PPFIA2: variants seen among roughly 807,000 people sequenced by gnomAD.
PPFIA2 encodes liprin-alpha-2.
Under a neutral mutation model 175.5 loss-of-function variants are expected in PPFIA2, and 46 were observed. The ratio of observed to expected loss-of-function variants is 0.26; its 90% CI spans 0.21 to 0.34. PPFIA2 has a LOEUF of 0.34. Among genes scored for constraint, PPFIA2 ranks in the 10% least tolerant of loss-of-function variants. PPFIA2 has a pLI of 1.00. For synonymous variants in PPFIA2, 568 were observed against 511.4 expected, an observed-to-expected ratio of 1.11 and a Z score of -1.49; for missense variants, 1,179 against 1,506.1, an observed-to-expected ratio of 0.78 and a Z score of 3.60.
chr12:81,733,775 T>C (rs571868499), intron 3 of PPFIA2, among the ~76,000 whole-genome samples: 25 of 151,872 alleles, frequency 1.6e-4, no homozygotes, highest in African/African-American at 5.5e-4. Context: ...GAAGTGTAAA[T>C]ATTGGTTTAA....
At chr12:81,312,241 A>C in intron 22 of PPFIA2, 1 of 1,363,862 alleles carries the variant, frequency 7.3e-7, no homozygotes, top group Admixed American at 2.2e-5. Context: ...TTCAATCCAA[A>C]GAAAACCATG....
At position 81,444,145 on chromosome 12, in the gene PPFIA2, C is replaced by T. The variant is rs572642221; in HGVS notation, c.570+1411G>A. On this transcript the variant is annotated intron_variant, in intron 6 of 32. Coordinates refer to ENST00000549396, the MANE Select transcript of PPFIA2 (RefSeq NM_003625.5). ...CTGGGATTACAGGCGTGAGCCACCG[C>T]GCCCGGCCATGCCAACCTTTCTTGA... is the stretch of plus-strand genomic sequence containing the variant. Among the ~76,000 whole-genome samples, 28 of 152,272 alleles carry T rather than the reference C, an allele frequency of 1.8e-4. No individual in the cohort carries two copies. In the East Asian group the frequency reaches 4.1e-3, roughly 22 times the overall value.
chr12:81,597,891 T>G lies in PPFIA2; in HGVS notation c.303+78900A>C. ...GTCTTTCTTCCTTTATATAGCACTTTGTTAAAAGTTTGACAATACATTAAC... is the reference window on the plus strand; with the variant it reads ...GTCTTTCTTCCTTTATATAGCACTTGGTTAAAAGTTTGACAATACATTAAC... On this transcript the variant is annotated intron_variant, in intron 4 of 32. Transcript: ENST00000549396. The G allele has an allele frequency of 2.0e-6, 3 of 1,477,564 alleles. No homozygotes were observed. In the South Asian group the frequency reaches 3.7e-5, roughly 18 times the overall value. The allele number at this position is 1,477,564 out of a possible 1,614,324, so 91.5% of individuals were successfully genotyped here.
chr12:81,708,470 GA>G (rs970415277), intron 3 of PPFIA2, among the ~76,000 whole-genome samples: 1 of 151,472 alleles, frequency 6.6e-6, no homozygotes, highest in Non-Finnish European at 1.5e-5. Flanking sequence ...AAGTTATTTT[GA>G]AAAAAAAGTA....
At position 81,272,535 on chromosome 12, in the gene PPFIA2, A is replaced by G. The variant is rs182058493; in HGVS notation, c.3311-4448T>C. Among the ~76,000 whole-genome samples the G allele has an allele frequency of 1.6e-3, 212 of 133,248 alleles. 1 individual carries two copies. Among genetic ancestry groups the G allele is most frequent in the African/African-American group, 5.1e-3 (204 of 40,190 alleles). 87.4% of individuals were successfully genotyped at this position (133,248 alleles called of 152,430 possible). A position where few individuals can be genotyped will look rare whatever the true frequency, so the allele number is the denominator to read the frequency against. ...ATTTCCATTTGATTATTTGTTAAAC[A>G]TATTGATTCCAACTATATTAAATTC... On this transcript the variant is annotated intron_variant, in intron 28 of 32. Transcript: ENST00000549396.
intron 4 of PPFIA2, among the ~76,000 whole-genome samples, chr12:81,518,116 T>C (rs2062686113): frequency 6.6e-6 from 1 of 151,860 alleles, no homozygotes; most frequent in Non-Finnish European, 1.5e-5. Flanking sequence ...AAACAAAACA[T>C]ACACACAAAA....
intron 4 of PPFIA2, among the ~76,000 whole-genome samples, chr12:81,643,626 GT>G (rs536941148): frequency 6.6e-6 from 1 of 152,030 alleles, no homozygotes; most frequent in Non-Finnish European, 1.5e-5. Flanking sequence ...TGATGTGACA[GT>G]GAGATGGTTT....
At chr12:81,684,996 A>T (rs945469981) in intron 3 of PPFIA2, among the ~76,000 whole-genome samples, 9 of 151,992 alleles carry the variant, frequency 5.9e-5, no homozygotes, top group Non-Finnish European at 8.8e-5. Context: ...TCAATAAATC[A>T]ATGCTTGAAA....
chr12:81,291,362 C>T (rs2044920444), intron 24 of PPFIA2, among the ~76,000 whole-genome samples: 1 of 151,912 alleles, frequency 6.6e-6, no homozygotes, highest in Admixed American at 6.6e-5. Context: ...GAAGCTCCAT[C>T]ACACTTCACT....
intron 21 of PPFIA2, among the ~76,000 whole-genome samples, chr12:81,336,475 A>G (rs2140195395): frequency 6.6e-6 from 1 of 152,326 alleles, no homozygotes; most frequent in South Asian, 2.1e-4. Flanking sequence ...TTACCCTAGC[A>G]TTTCGAAGTA....
chr12:81,567,934 C>A (rs117701609), intron 4 of PPFIA2, among the ~76,000 whole-genome samples: 274 of 152,310 alleles, frequency 1.8e-3, no homozygotes, highest in Non-Finnish European at 3.5e-3. Flanking sequence ...TCAGAGCTTT[C>A]AACTGGTGTT....
At chr12:81,505,261 AAAGTAT>A (rs1318954237) in intron 4 of PPFIA2, among the ~76,000 whole-genome samples, 1 of 151,194 alleles carries the variant, frequency 6.6e-6, no homozygotes, top group African/African-American at 2.4e-5. Flanking sequence ...CCCAGAACTT[AAAGTAT>A]AATTAAAAAA....
intron 30 of PPFIA2, among the ~76,000 whole-genome samples, chr12:81,265,121 T>G (rs1002286023): frequency 6.6e-6 from 1 of 151,604 alleles, no homozygotes; most frequent in Non-Finnish European, 1.5e-5. Context: ...GGAGAAACCC[T>G]GTCTCTACTA....
chr12:81,352,636 A>C (rs1290987061), intron 17 of PPFIA2, among the ~76,000 whole-genome samples: 1 of 152,024 alleles, frequency 6.6e-6, no homozygotes, highest in Non-Finnish European at 1.5e-5. Flanking sequence ...AAAATTGACA[A>C]AAAGAATGGT....
At chr12:81,390,600 T>A (rs2039937104) in intron 8 of PPFIA2, among the ~76,000 whole-genome samples, 1 of 152,030 alleles carries the variant, frequency 6.6e-6, no homozygotes, top group African/African-American at 2.4e-5. Context: ...TTTAAATTAT[T>A]TGCCTTCATA....
At chr12:81,689,263 G>C (rs1161049684) in intron 3 of PPFIA2, among the ~76,000 whole-genome samples, 1 of 151,912 alleles carries the variant, frequency 6.6e-6, no homozygotes, top group Non-Finnish European at 1.5e-5. Context: ...AATTCACCAA[G>C]TTCTAAATCA....
rs1568159471 is a variant in PPFIA2 at position 81,758,387 on chromosome 12, AC to A, written c.-3+12del. The A allele has an allele frequency of 4.4e-6, 2 of 456,424 alleles. No homozygotes were observed. The highest frequency in any genetic ancestry group is 8.8e-6 in the Non-Finnish European group (2 of 226,742). The allele number at this position is 456,424 out of a possible 1,614,324, so 28.3% of individuals were successfully genotyped here. On this transcript the variant is annotated intron_variant, in intron 2 of 32. Coordinates refer to ENST00000549396, the MANE Select transcript of PPFIA2 (RefSeq NM_003625.5). ...CGAAAGGAGACAGTAAAACTCAAAG[AC>A]AGCTTCTGTACCTAATGTCTGTGAT... is the stretch of plus-strand genomic sequence containing the variant.
chr12:81,625,214 G>C lies in PPFIA2; in HGVS notation c.303+51577C>G, dbSNP rs77507782. On this transcript the variant is annotated intron_variant, in intron 4 of 32. Coordinates refer to ENST00000549396, the MANE Select transcript of PPFIA2 (RefSeq NM_003625.5). ...TATATAAAGAACAGCATGGATGTCA[G>C]AAATGTATCTTTTCAGCTCATGAGA... Among the ~76,000 whole-genome samples the C allele has an allele frequency of 1.4e-4, 22 of 151,908 alleles. No homozygotes were observed. In the East Asian group the frequency reaches 4.1e-3, roughly 28 times the overall value.
chr12:81,374,793 C>A, intron 10 of PPFIA2, 25 bp from the exon 11 acceptor site: 1 of 1,600,190 alleles, frequency 6.2e-7, no homozygotes, highest in East Asian at 2.2e-5. Flanking sequence ...GGAGCAGAGA[C>A]ACTTAAAGAG....
Sources: gnomAD v4.1 joint callset for allele counts (sites outside exome capture counted in the v4.1 genomes callset) on GRCh38, gnomAD v4.1.1 for gene constraint, MANE v1.5 for transcripts, NCBI Gene and HGNC (gene_info 2026-07-23, HGNC 2026-07-21) for gene names.